RBFOX1: variants seen among roughly 807,000 people sequenced by gnomAD.
RBFOX1 encodes RNA binding fox-1 homolog 1.
A neutral mutation model predicts 57.7 loss-of-function variants in RBFOX1; 8 were observed. That is an observed-to-expected ratio of 0.14 (90% CI 0.08 to 0.25). The LOEUF (loss-of-function observed/expected upper bound fraction) is 0.25, where lower values mean the gene tolerates loss of function less well. Among genes scored for constraint, RBFOX1 ranks in the 10% least tolerant of loss-of-function variants. The pLI, the probability that RBFOX1 is intolerant of heterozygous loss-of-function variation, is 1.00. For synonymous variants in RBFOX1, 326 were observed against 222.4 expected (o/e 1.47, Z -4.15); for missense variants, 611 against 548.5 (o/e 1.11, Z -1.14).
At chr16:6,049,665 A>T (rs1247579246) in intron 1 of RBFOX1, among the ~76,000 whole-genome samples, 1 of 152,166 alleles carries the variant, frequency 6.6e-6, no homozygotes, top group Non-Finnish European at 1.5e-5. Context: ...AATTTTTTCA[A>T]AAATGTCATT....
intron 3 of RBFOX1, among the ~76,000 whole-genome samples, chr16:5,783,163 A>G (rs897983858): frequency 1.4e-5 from 2 of 139,346 alleles, no homozygotes; most frequent in Non-Finnish European, 3.2e-5. Flanking sequence ...ATTTACATGC[A>G]AAAACACACA....
chr16:6,519,214 C>G (rs1455029946), intron 2 of RBFOX1, among the ~76,000 whole-genome samples: 2 of 152,090 alleles, frequency 1.3e-5, no homozygotes, highest in African/African-American at 2.4e-5. Context: ...AATACCTGCC[C>G]TGCCTACCAC....
intron 3 of RBFOX1, among the ~76,000 whole-genome samples, chr16:7,019,899 C>T (rs921342275): frequency 6.6e-6 from 1 of 152,186 alleles, no homozygotes; most frequent in Non-Finnish European, 1.5e-5. Flanking sequence ...TCCAACTAAA[C>T]CCTGCTCTCT....
intron 5 of RBFOX1, among the ~76,000 whole-genome samples, chr16:7,543,060 G>A (rs960511064): frequency 6.6e-6 from 1 of 152,180 alleles, no homozygotes; most frequent in Non-Finnish European, 1.5e-5. Flanking sequence ...ATAGGTGGGG[G>A]AAAGAGGTTA....
intron 4 of RBFOX1, among the ~76,000 whole-genome samples, chr16:7,456,332 G>T (rs2058508494): frequency 6.6e-6 from 1 of 152,170 alleles, no homozygotes. Context: ...GATTCTCATT[G>T]TGAAGTGAAT....
Position 7,319,870 on chromosome 16 carries a change from T to C in RBFOX1, c.28-198277T>C, listed in dbSNP as rs141817554. ...CCTCATTTGTAGAATGGGGCTATTA[T>C]GAGTACCAATACCATGGACTTGTTA... On this transcript the variant is annotated intron_variant, in intron 4 of 15. Coordinates refer to ENST00000550418, the MANE Select transcript of RBFOX1 (RefSeq NM_018723.4). 1.2e-4 allele frequency among the ~76,000 whole-genome samples: 19 copies of C among 152,244 alleles called. No homozygotes were observed. In the East Asian group the frequency reaches 3.7e-3, roughly 30 times the overall value.
At chr16:7,389,471 C>T (rs1202376448) in intron 4 of RBFOX1, among the ~76,000 whole-genome samples, 1 of 152,104 alleles carries the variant, frequency 6.6e-6, no homozygotes, top group Non-Finnish European at 1.5e-5. Context: ...TGCTTGCTTC[C>T]CCTGAAGCCT....
At chr16:5,548,360 T>C (rs913056545) in intron 2 of RBFOX1, among the ~76,000 whole-genome samples, 23 of 151,316 alleles carry the variant, frequency 1.5e-4, no homozygotes, top group African/African-American at 5.1e-4. Context: ...CCTGCGCATG[T>C]ACTCCCTGAA....
intron 3 of RBFOX1, among the ~76,000 whole-genome samples, chr16:6,837,975 C>G (rs964217941): frequency 6.6e-6 from 1 of 151,298 alleles, no homozygotes; most frequent in African/African-American, 2.4e-5. Context: ...AGTTACCACC[C>G]CTTTCCATGG....
chr16:6,499,261 C>G (rs985487573), intron 2 of RBFOX1, among the ~76,000 whole-genome samples: 3 of 152,048 alleles, frequency 2.0e-5, no homozygotes, highest in African/African-American at 4.8e-5. Context: ...AATTTGAAAG[C>G]TACACTGGAA....
chr16:7,082,463 T>C (rs138094775), intron 4 of RBFOX1, among the ~76,000 whole-genome samples: 1,631 of 151,612 alleles, frequency 0.011, 15 homozygotes, highest in Non-Finnish European at 0.016. Context: ...GCACCTGTGG[T>C]CCCAGCTACT....
chr16:5,909,089 C>CTTTTTT (rs1168067500), intron 4 of RBFOX1, among the ~76,000 whole-genome samples: 2,580 of 78,862 alleles, frequency 0.033, 133 homozygotes, highest in African/African-American at 0.091. Context: ...ACTAAGCCCC[C>CTTTTTT]CTTTTTTTTT....
At chr16:6,948,375 CTTTTTT>C (rs968186299) in intron 3 of RBFOX1, among the ~76,000 whole-genome samples, 6 of 67,964 alleles carry the variant, frequency 8.8e-5, no homozygotes, top group Non-Finnish European at 1.7e-4. Flanking sequence ...TTCTCCCTTT[CTTTTTT>C]TTTTTTTTTT....
At chr16:5,750,071 T>G (rs1003013091) in intron 3 of RBFOX1, among the ~76,000 whole-genome samples, 7 of 152,166 alleles carry the variant, frequency 4.6e-5, no homozygotes, top group Non-Finnish European at 8.8e-5. Flanking sequence ...TGTTTGTTAG[T>G]TTTCCTTCTA....
At chr16:7,110,052 A>T (rs1272390165) in intron 4 of RBFOX1, among the ~76,000 whole-genome samples, 1 of 152,066 alleles carries the variant, frequency 6.6e-6, no homozygotes, top group Non-Finnish European at 1.5e-5. Flanking sequence ...AAACCTGCTA[A>T]TACTAATCAC....
intron 2 of RBFOX1, among the ~76,000 whole-genome samples, chr16:6,402,148 A>T (rs548095230): frequency 1.3e-5 from 2 of 152,024 alleles, no homozygotes; most frequent in Non-Finnish European, 2.9e-5. Flanking sequence ...AATGCTAAGC[A>T]TGCATGCAGA....
At chr16:5,262,598 C>G (rs559480699) in intron 1 of RBFOX1, among the ~76,000 whole-genome samples, 2 of 152,276 alleles carry the variant, frequency 1.3e-5, no homozygotes, top group East Asian at 3.9e-4. Context: ...CCATGCCTTA[C>G]AACAAATCAA....
intron 1 of RBFOX1, among the ~76,000 whole-genome samples, chr16:6,118,581 C>G (rs76209941): frequency 6.6e-6 from 1 of 151,906 alleles, no homozygotes; most frequent in Non-Finnish European, 1.5e-5. Context: ...CTTTCTCTCT[C>G]TCCTTCTCTC....
intron 3 of RBFOX1, among the ~76,000 whole-genome samples, chr16:5,633,248 T>C (rs968986984): frequency 6.6e-6 from 1 of 152,184 alleles, no homozygotes; most frequent in Non-Finnish European, 1.5e-5. Flanking sequence ...ACAACTCTTT[T>C]ACATCAGTGC....
Sources: allele counts gnomAD v4.1 joint callset (sites outside exome capture counted in the v4.1 genomes callset), GRCh38; gene constraint gnomAD v4.1.1; transcripts MANE v1.5; gene names NCBI Gene and HGNC (gene_info 2026-07-23, HGNC 2026-07-21).